RBBP8NL: variants seen among roughly 807,000 people sequenced by gnomAD.
RBBP8NL encodes the protein RBBP8 N-terminal like.
RBBP8NL carries 59 observed loss-of-function variants against 62.2 expected under a neutral mutation model. That is an observed-to-expected ratio of 0.95 (90% confidence interval 0.77 to 1.18). The LOEUF (loss-of-function observed/expected upper bound fraction) is 1.18, where lower values mean the gene tolerates loss of function less well. Ranked by LOEUF, RBBP8NL falls within the 50% of genes most tolerant of loss-of-function variation. RBBP8NL has a pLI of 0.00. For missense variants in RBBP8NL, 896 were observed against 899.5 expected, an observed-to-expected ratio of 1.00 and a Z score of 0.05; for synonymous variants, 412 against 394.1, an observed-to-expected ratio of 1.05 and a Z score of -0.54.
chr20:62,415,103 G>C lies in RBBP8NL; in HGVS notation c.794+18C>G, dbSNP rs1988530429. On this transcript the variant is annotated intron_variant, in intron 9 of 13. Transcript: ENST00000252998. ...CTCATCTGAGGCTACTCTGGGTGAG[G>C]GTGGGGCAGGCGGGCACCTGTCCAG... 1 of 1,455,824 alleles carries C rather than the reference G, an allele frequency of 6.9e-7. No homozygotes were observed. The highest frequency in any genetic ancestry group is 9.1e-7 in the Non-Finnish European group (1 of 1,101,060). 90.2% of individuals were successfully genotyped at this position (1,455,824 alleles called of 1,614,324 possible).
intron 9 of RBBP8NL, among the ~76,000 whole-genome samples, 154 bp downstream of exon 9, chr20:62,414,967 C>A (rs947506597): frequency 6.6e-6 from 1 of 152,204 alleles, no homozygotes; most frequent in Admixed American, 6.5e-5. Context: ...GAGGTGTCCA[C>A]GTGGGAACTT....
chr20:62,419,524 C>T (rs763644267), intron 2 of RBBP8NL, 63 bp downstream of exon 2: 309 of 1,555,494 alleles, frequency 2.0e-4, no homozygotes, highest in Admixed American at 9.2e-4. Context: ...TGGCCTGCTC[C>T]GACCCTTAGG....
intron 1 of RBBP8NL, among the ~76,000 whole-genome samples, chr20:62,424,816 AG>A (rs35145490): frequency 0.29 from 43,433 of 151,880 alleles, 6,484 homozygotes; most frequent in South Asian, 0.43. Flanking sequence ...GGCCACTCAG[AG>A]GGGGCAGAGG....
At chr20:62,417,511 C>A (rs1164470441) in intron 3 of RBBP8NL, among the ~76,000 whole-genome samples, 192 bp from the exon 4 acceptor site, 1 of 87,776 alleles carries the variant, frequency 1.1e-5, no homozygotes, top group Non-Finnish European at 2.4e-5. Flanking sequence ...ACGCAGCCCC[C>A]CCAGTCATCT....
chr20:62,415,767 C>A, intron 7 of RBBP8NL, 21 bp downstream of exon 7: 1 of 1,611,004 alleles, frequency 6.2e-7, no homozygotes, highest in East Asian at 2.2e-5. Context: ...GCCTCCCAGC[C>A]TCACCCGGTC....
intron 11 of RBBP8NL, 111 bp from the exon 12 acceptor site, chr20:62,413,011 C>T (rs373192232): frequency 3.3e-5 from 42 of 1,270,474 alleles, no homozygotes; most frequent in Middle Eastern, 1.9e-4. Context: ...AACTGAGGCA[C>T]GGAGGGCCAA....
chr20:62,419,483 G>T, intron 2 of RBBP8NL, 104 bp downstream of exon 2: 1 of 1,218,454 alleles, frequency 8.2e-7, no homozygotes, highest in Non-Finnish European at 1.2e-6. Context: ...CCCTGACTTG[G>T]TGGGAATTGG....
intron 3 of RBBP8NL, among the ~76,000 whole-genome samples, chr20:62,417,591 C>A: frequency 1.2e-5 from 1 of 84,822 alleles, no homozygotes; most frequent in African/African-American, 4.7e-5. Flanking sequence ...TCCTCTGTGA[C>A]GTCTGTTCCG....
intron 1 of RBBP8NL, among the ~76,000 whole-genome samples, chr20:62,426,784 C>T (rs369387864): frequency 2.0e-5 from 3 of 152,380 alleles, no homozygotes; most frequent in East Asian, 3.9e-4. Context: ...GTGTACCCCA[C>T]ACGCGCGTGC....
intron 2 of RBBP8NL, among the ~76,000 whole-genome samples, chr20:62,418,795 G>A (rs953949819): frequency 6.6e-6 from 1 of 152,222 alleles, no homozygotes; most frequent in Admixed American, 6.5e-5. Flanking sequence ...GTGTGTGTGT[G>A]TGTGTCATAG....
At position 62,416,880 on chromosome 20, in the gene RBBP8NL, G is replaced by T. The variant is rs1294274140; in HGVS notation, c.201-8C>A. On this transcript the variant is annotated splice_region_variant and splice_polypyrimidine_tract_variant and intron_variant, in intron 4 of 13. Coordinates refer to ENST00000252998, the MANE Select transcript of RBBP8NL (RefSeq NM_080833.3). ...CACAGGCCGGCCCGCAGCCTGCAGG[G>T]ATGGGGACGCAGGGGGTGTGAGGGA... 1 of 1,546,124 alleles carries T rather than the reference G, an allele frequency of 6.5e-7. No individual in the cohort carries two copies. Among genetic ancestry groups the T allele is most frequent in the Non-Finnish European group, 8.7e-7 (1 of 1,145,746 alleles).
In RBBP8NL at chr20:62,415,251, T is replaced by C. The variant is rs760499152; in HGVS notation, c.664A>G (p.Ile222Val). 6.4e-7 allele frequency: 1 copy of C among 1,566,142 alleles called. No individual in the cohort carries two copies. The highest frequency in any genetic ancestry group is 8.6e-7 in the Non-Finnish European group (1 of 1,161,212). Residue 222 changes from isoleucine to valine, a missense_variant, in exon 9 of 14, where the codon ATT becomes GTT. Ile to Val is a conservative substitution (Grantham distance 29). Coordinates refer to ENST00000252998, the MANE Select transcript of RBBP8NL (RefSeq NM_080833.3). ...TGGGACCCAGGCCGCACCACGGCAATGGTCCCGTGCAGCTGGTTGGAGATG... is the reference window on the plus strand; with the variant it reads ...TGGGACCCAGGCCGCACCACGGCAACGGTCCCGTGCAGCTGGTTGGAGATG... ...QRISNQLHGT[I>V]AVVRPGSQAC...
chr20:62,415,541 C>T (rs769713926), intron 8 of RBBP8NL, 37 bp downstream of exon 8: 1 of 1,606,116 alleles, frequency 6.2e-7, no homozygotes, highest in Non-Finnish European at 8.5e-7. Flanking sequence ...TGCGCCGGCC[C>T]AGCTGCACAT....
At chr20:62,411,395 C>A (rs950425881) in intron 13 of RBBP8NL, among the ~76,000 whole-genome samples, 1 of 152,190 alleles carries the variant, frequency 6.6e-6, no homozygotes, top group East Asian at 1.9e-4. Flanking sequence ...GGGATCCTGC[C>A]GAGATGCTGG....
intron 10 of RBBP8NL, 51 bp from the exon 11 acceptor site, chr20:62,413,596 C>T (rs770110360): frequency 6.8e-5 from 102 of 1,495,174 alleles, no homozygotes; most frequent in East Asian, 1.9e-4. Context: ...ACTTCCTTGC[C>T]GCCAACTCAG....
intron 1 of RBBP8NL, among the ~76,000 whole-genome samples, chr20:62,424,297 G>GC (rs1331255237): frequency 3.3e-5 from 5 of 151,978 alleles, no homozygotes; most frequent in East Asian, 1.9e-4. Context: ...CTGGGCCGTG[G>GC]GGGGGGCAGG....
intron 11 of RBBP8NL, 65 bp downstream of exon 11, chr20:62,413,336 C>T: frequency 1.5e-6 from 2 of 1,370,556 alleles, no homozygotes. Flanking sequence ...GCACTGACCA[C>T]CACCCTCTCT....
chr20:62,413,012 G>T, intron 11 of RBBP8NL, 112 bp from the exon 12 acceptor site: 1 of 1,240,186 alleles, frequency 8.1e-7, no homozygotes, highest in Non-Finnish European at 1.1e-6. Context: ...ACTGAGGCAC[G>T]GAGGGCCAAG....
Position 62,416,838 on chromosome 20 carries a change from T to G in RBBP8NL, c.235A>C (p.Thr79Pro). The change falls in exon 5 of 14, where the codon ACC (threonine) becomes CCC (proline). Residue 79 changes from threonine (T) to proline (P), a missense_variant. Physicochemically the swap from Thr to Pro is conservative, Grantham distance 38. Transcript: ENST00000252998. Reference protein sequence around the residue: ...RAGLCDRCMVTQELARKRQQE... With the variant: ...RAGLCDRCMVPQELARKRQQE... ...TGCCGCTTCCTGGCCAGCTCCTGGG[T>G]GACCATGCAGCGGTCGCACAGGCCG... The G allele has an allele frequency of 6.3e-7, 1 of 1,580,932 alleles. No homozygotes were observed. Among genetic ancestry groups the G allele is most frequent in the South Asian group, 1.2e-5 (1 of 86,840 alleles).
Sources: allele counts gnomAD v4.1 joint callset (sites outside exome capture counted in the v4.1 genomes callset), GRCh38; gene constraint gnomAD v4.1.1; transcripts MANE v1.5; gene names NCBI Gene and HGNC (gene_info 2026-07-23, HGNC 2026-07-21).